The following REXO5 variants were observed in gnomAD, a reference collection of about 807,000 sequenced individuals.
REXO5 encodes the protein exonuclease NEF-sp.
REXO5 carries 48 observed loss-of-function variants against 88.5 expected under a neutral mutation model. The ratio of observed to expected loss-of-function variants is 0.54; its 90% CI spans 0.43 to 0.69. REXO5 has a LOEUF of 0.69. Ranked by LOEUF, REXO5 falls within the 30% of genes least tolerant of loss-of-function variation. REXO5 has a pLI of 0.00. For synonymous variants in REXO5, 311 were observed against 336.5 expected, an observed-to-expected ratio of 0.92 and a Z score of 0.83; for missense variants, 749 against 912.2, an observed-to-expected ratio of 0.82 and a Z score of 2.30.
At chr16:20,818,951 C>A (rs1192628081) in intron 5 of REXO5, among the ~76,000 whole-genome samples, 1 of 152,212 alleles carries the variant, frequency 6.6e-6, no homozygotes, top group Admixed American at 6.5e-5. Context: ...CCTCTGACAA[C>A]CCCAAATGTG....
At position 20,827,327 on chromosome 16, in the gene REXO5, C is replaced by T. The variant is rs777735323; in HGVS notation, c.961-26C>T. 3.1e-6 allele frequency: 5 copies of T among 1,603,148 alleles called. No individual in the cohort carries two copies. The East Asian group carries it at 8.9e-5, about 29-fold the overall frequency. On this transcript the variant is annotated intron_variant, in intron 9 of 19. Coordinates refer to ENST00000261377, the MANE Select transcript of REXO5 (RefSeq NM_030941.3). ...TTTTTTCCTTTAGCATAAGACACTA[C>T]TCATTTTATTCTCTTTCTTCCTCAG...
intron 2 of REXO5, among the ~76,000 whole-genome samples, chr16:20,808,259 C>G (rs775486483): frequency 6.6e-6 from 1 of 152,186 alleles, no homozygotes; most frequent in Admixed American, 6.5e-5. Context: ...GCTGATTATC[C>G]CTATCATCCT....
Position 20,833,108 on chromosome 16 carries a change from T to C in REXO5, c.1368T>C (p.Cys456=). Residue 456 remains cysteine (C), a synonymous_variant, in exon 13 of 20, where the codon TGT becomes TGC. Coordinates refer to ENST00000261377, the MANE Select transcript of REXO5 (RefSeq NM_030941.3). ...CCAGAAATTGTCAAACTATTAAGTG[T>C]CTTTCAAATAAAGAGGTGAGTGGCC... ...PSSRNCQTIK[C]LSNKEVLEQA... 6.2e-7 allele frequency: 1 copy of C among 1,613,234 alleles called. No homozygotes were observed. Among genetic ancestry groups the C allele is most frequent in the Non-Finnish European group, 8.5e-7 (1 of 1,179,356 alleles).
intron 2 of REXO5, chr16:20,807,372 T>C (rs1596558576): frequency 2.6e-6 from 1 of 379,444 alleles, no homozygotes; most frequent in East Asian, 5.3e-5. Context: ...AGGTCAGGAG[T>C]TCGAGACCAG....
At position 20,849,513 on chromosome 16, in the gene REXO5, T is replaced by TA. The variant is rs2081660839; in HGVS notation, c.*34dup. ...TGCCATGTTTCCATGTGCCATTTCT[T>TA]ACCCCTTGTAGGCAATGGCAAAGAA... is the stretch of plus-strand genomic sequence containing the variant. On this transcript the variant is annotated 3_prime_UTR_variant, in exon 20 of 20. Transcript: ENST00000261377. 6.2e-7 allele frequency: 1 copy of TA among 1,600,652 alleles called. No individual in the cohort carries two copies. The highest frequency in any genetic ancestry group is 1.1e-5 in the South Asian group (1 of 90,778).
intron 11 of REXO5, among the ~76,000 whole-genome samples, chr16:20,830,960 G>A (rs2081333210): frequency 7.1e-6 from 1 of 141,274 alleles, no homozygotes; most frequent in African/African-American, 2.6e-5. Flanking sequence ...GCCATTATAT[G>A]TTAACACAAA....
intron 15 of REXO5, among the ~76,000 whole-genome samples, chr16:20,841,743 C>T (rs1319034490): frequency 1.3e-5 from 2 of 152,192 alleles, no homozygotes; most frequent in East Asian, 1.9e-4. Context: ...GTAGCTGAGA[C>T]GACAGGTATG....
chr16:20,830,420 T>G (rs1436987191), intron 11 of REXO5, among the ~76,000 whole-genome samples: 3 of 151,776 alleles, frequency 2.0e-5, no homozygotes, highest in Non-Finnish European at 4.4e-5. Context: ...GGTCTCAAAC[T>G]CCTAACCTCA....
chr16:20,819,619 G>A (rs527457400), intron 5 of REXO5, among the ~76,000 whole-genome samples: 1 of 151,586 alleles, frequency 6.6e-6, no homozygotes, highest in African/African-American at 2.4e-5. Context: ...GCCGGGCGTG[G>A]TGGTACATGC....
At position 20,816,166 on chromosome 16, in the gene REXO5, G is replaced by C. The variant is rs1379347802; in HGVS notation, c.429G>C (p.Gly143=). Residue 143 remains glycine, a synonymous_variant, in exon 5 of 20, where the codon GGG becomes GGC. Transcript: ENST00000261377. ...CTGATTTTCTAGCTGATGTTGTTGG[G>C]CTACAAACTGAACAAAGAGCTGGAG... ...PSSDFLADVV[G]LQTEQRAGDL... 1.2e-6 allele frequency: 2 copies of C among 1,613,912 alleles called. No homozygotes were observed. Among genetic ancestry groups the C allele is most frequent in the Non-Finnish European group, 8.5e-7 (1 of 1,179,994 alleles).
chr16:20,837,693 C>T (rs2081455007), intron 13 of REXO5, among the ~76,000 whole-genome samples: 1 of 151,968 alleles, frequency 6.6e-6, no homozygotes, highest in Admixed American at 6.6e-5. Context: ...TCCTTTAGCC[C>T]CATGGTTGAT....
chr16:20,832,108 C>A, intron 11 of REXO5, 48 bp from the exon 12 acceptor site: 1 of 1,249,596 alleles, frequency 8.0e-7, no homozygotes, highest in Non-Finnish European at 1.1e-6. Context: ...ATTTGAGCAT[C>A]AAATGCTCTG....
Position 20,813,264 on chromosome 16 carries a change from G to T in REXO5, c.213G>T (p.Lys71Asn), listed in dbSNP as rs766119567. The T allele has an allele frequency of 5.5e-5, 88 of 1,611,038 alleles. No homozygotes were observed. Among genetic ancestry groups the T allele is most frequent in the Non-Finnish European group, 6.7e-5 (79 of 1,178,444 alleles). ...VTHDQLCELLKYAVLGKSNVP... is the reference protein window; with the variant it reads ...VTHDQLCELLNYAVLGKSNVP... ...ATGACCAGCTGTGTGAATTGCTGAA[G>T]TATGCAGTTCTGGGCAAATCCAATG... is the stretch of plus-strand genomic sequence containing the variant. Residue 71 changes from lysine to asparagine, a missense_variant, in exon 3 of 20, where the codon AAG (lysine) becomes AAT (asparagine). Coordinates refer to ENST00000261377, the MANE Select transcript of REXO5 (RefSeq NM_030941.3).
chr16:20,848,928 G>T (rs2152514429), intron 19 of REXO5, among the ~76,000 whole-genome samples: 1 of 152,252 alleles, frequency 6.6e-6, no homozygotes, highest in East Asian at 1.9e-4. Flanking sequence ...TGATATCCTG[G>T]TTCTGTCACT....
chr16:20,849,529 T>C lies in REXO5; in HGVS notation c.*49T>C, dbSNP rs779062398. The C allele has an allele frequency of 2.6e-6, 4 of 1,537,412 alleles. No homozygotes were observed. The highest frequency in any genetic ancestry group is 3.6e-6 in the Non-Finnish European group (4 of 1,110,636). On this transcript the variant is annotated 3_prime_UTR_variant, in exon 20 of 20. Coordinates refer to ENST00000261377, the MANE Select transcript of REXO5 (RefSeq NM_030941.3). ...GCCATTTCTTACCCCTTGTAGGCAA[T>C]GGCAAAGAATGTGGTCAGGCTGTAG... is the stretch of plus-strand genomic sequence containing the variant.
At chr16:20,840,000 AT>A (rs2081501390) in intron 14 of REXO5, 141 bp downstream of exon 14, 1 of 628,176 alleles carries the variant, frequency 1.6e-6, no homozygotes, top group Non-Finnish European at 2.7e-6. Flanking sequence ...ATTTAAAAAT[AT>A]TTTTATGAAA....
Position 20,806,535 on chromosome 16 carries a change from C to T in REXO5, c.-173C>T, listed in dbSNP as rs975698340. 42 of 1,528,638 alleles carry T rather than the reference C, an allele frequency of 2.7e-5. No individual in the cohort carries two copies. The highest frequency in any genetic ancestry group is 3.6e-5 in the Non-Finnish European group (41 of 1,139,366). The allele number at this position is 1,528,638 out of a possible 1,614,324, so 94.7% of individuals were successfully genotyped here. A position where few individuals can be genotyped will look rare whatever the true frequency, so the allele number is the denominator to read the frequency against. On this transcript the variant is annotated 5_prime_UTR_variant, in exon 1 of 20. Transcript: ENST00000261377. ...GAGGCTGAGGGGCGGTTGTTGTTGG[C>T]AGCTGTGGCTAAGGAGGGGAGAACC...
chr16:20,828,488 G>T lies in REXO5; in HGVS notation c.1109G>T (p.Arg370Ile), dbSNP rs1305888269. Residue 370 changes from arginine (R) to isoleucine (I), a missense_variant, in exon 11 of 20, where the codon AGA (arginine) becomes ATA (isoleucine). Coordinates refer to ENST00000261377, the MANE Select transcript of REXO5 (RefSeq NM_030941.3). ...RLGHDATEDARTILELARYFL... is the reference protein window; with the variant it reads ...RLGHDATEDAITILELARYFL... ...GGTCATGATGCCACAGAAGATGCTA[G>T]AACAATCCTTGAATTGGCTCGGTAT... The T allele has an allele frequency of 1.2e-6, 2 of 1,613,932 alleles. No individual in the cohort carries two copies. The highest frequency in any genetic ancestry group is 1.7e-6 in the Non-Finnish European group (2 of 1,179,942).
chr16:20,822,165 T>A (rs1032287812), intron 6 of REXO5, among the ~76,000 whole-genome samples: 1 of 152,156 alleles, frequency 6.6e-6, no homozygotes, highest in African/African-American at 2.4e-5. Context: ...AGAAAGTTAT[T>A]CCCTTTCCTT....
Sources: gnomAD v4.1 joint callset for allele counts (sites outside exome capture counted in the v4.1 genomes callset) on GRCh38, gnomAD v4.1.1 for gene constraint, MANE v1.5 for transcripts, NCBI Gene and HGNC (gene_info 2026-07-23, HGNC 2026-07-21) for gene names.